Variants in PXYLP1 observed in about 807,000 individuals in gnomAD.
PXYLP1 encodes the protein acid phosphatase-like 2.
A neutral mutation model predicts 37.9 loss-of-function variants in PXYLP1; 17 were observed. That is an observed-to-expected ratio of 0.45 (90% CI 0.31 to 0.67). The LOEUF (loss-of-function observed/expected upper bound fraction) is 0.67. Among genes scored for constraint, PXYLP1 ranks in the 30% least tolerant of loss-of-function variants. PXYLP1 has a pLI of 0.07. For missense variants in PXYLP1, 511 were observed against 612.0 expected (o/e 0.84, Z 1.74); for synonymous variants, 221 against 232.2 (o/e 0.95, Z 0.44).
intron 1 of PXYLP1, among the ~76,000 whole-genome samples, chr3:141,256,004 G>T (rs1941253979): frequency 6.6e-6 from 1 of 152,228 alleles, no homozygotes; most frequent in Admixed American, 6.5e-5. Flanking sequence ...GAACATGGTT[G>T]CAGACGTGGC....
Position 141,287,419 on chromosome 3 carries a change from C to T in PXYLP1, c.471C>T (p.His157=), listed in dbSNP as rs1483042430. 2.5e-6 allele frequency: 4 copies of T among 1,614,156 alleles called. No individual in the cohort carries two copies. The African/African-American group carries it at 4.0e-5, about 16-fold the overall frequency. Residue 157 remains histidine, a synonymous_variant, in exon 5 of 6, where the codon CAC becomes CAT. Transcript: ENST00000286353. ...ACTCCTTGCCTCTTTACCCAAATCACCCATTGTGTGAGATGGGAGAGCTCA... is the reference window on the plus strand; with the variant it reads ...ACTCCTTGCCTCTTTACCCAAATCATCCATTGTGTGAGATGGGAGAGCTCA... ...PLNSLPLYPN[H]PLCEMGELTQ...
intron 1 of PXYLP1, among the ~76,000 whole-genome samples, chr3:141,257,926 A>AAAG (rs59677835): frequency 1.5e-5 from 2 of 134,072 alleles, no homozygotes; most frequent in African/African-American, 7.0e-5. Context: ...AAAAAAAAAA[A>AAAG]GAGAGAGAGA....
chr3:141,268,900 G>A (rs923657370), intron 2 of PXYLP1, among the ~76,000 whole-genome samples: 6 of 152,218 alleles, frequency 3.9e-5, no homozygotes, highest in African/African-American at 1.4e-4. Flanking sequence ...TGGAGCTTCA[G>A]CATCACATCT....
rs1248317812 is a variant in PXYLP1 at position 141,260,126 on chromosome 3, A to G, written c.-50A>G. ...ATCACCTCTGCTTTATTCACAGGACATGTTCCCGATTTGAGGTGAAACCAT... is the reference window on the plus strand; with the variant it reads ...ATCACCTCTGCTTTATTCACAGGACGTGTTCCCGATTTGAGGTGAAACCAT... On this transcript the variant is annotated 5_prime_UTR_variant, in exon 2 of 6. An upstream start codon of the reference 5' UTR is lost. Transcript: ENST00000286353. 3.1e-6 allele frequency: 5 copies of G among 1,606,160 alleles called. No homozygotes were observed. The highest frequency in any genetic ancestry group is 4.3e-6 in the Non-Finnish European group (5 of 1,173,500).
intron 1 of PXYLP1, among the ~76,000 whole-genome samples, chr3:141,248,860 T>C (rs7640166): frequency 0.14 from 7,476 of 52,648 alleles, 1,569 homozygotes; most frequent in African/African-American, 0.31. Context: ...CGTATATATA[T>C]ACACACGTAT....
At position 141,293,106 on chromosome 3, in the gene PXYLP1, G is replaced by C. The variant is rs565971902; in HGVS notation, c.1344G>C (p.Pro448=). The change falls in exon 6 of 6, where the codon CCG becomes CCC. Residue 448 remains proline, a synonymous_variant. Coordinates refer to ENST00000286353, the MANE Select transcript of PXYLP1 (RefSeq NM_001037172.3). The stretch of plus-strand genomic sequence containing the variant: ...AGCGTTCTCCCAAGCCCATGTGCCC[G>C]CTTGAAAACTTGGTCCGCTTTGTGA... ...HHKRSPKPMC[P]LENLVRFVKR... 1 of 1,614,050 alleles carries C rather than the reference G, an allele frequency of 6.2e-7. No homozygotes were observed. The highest frequency in any genetic ancestry group is 1.3e-5 in the African/African-American group (1 of 74,926).
intron 1 of PXYLP1, among the ~76,000 whole-genome samples, chr3:141,245,853 G>A (rs574062765): frequency 7.2e-5 from 11 of 152,292 alleles, no homozygotes; most frequent in East Asian, 5.8e-4. Context: ...GACCTGTTCC[G>A]TGCATTCTGC....
rs372170788 is a variant in PXYLP1 at position 141,238,709 on chromosome 3, A to G, written c.-54+6798A>G. 4.6e-5 allele frequency among the ~76,000 whole-genome samples: 7 copies of G among 151,988 alleles called. No individual in the cohort carries two copies. The South Asian group carries it at 8.3e-4, about 18-fold the overall frequency. On this transcript the variant is annotated intron_variant, in intron 1 of 5. Coordinates refer to ENST00000286353, the MANE Select transcript of PXYLP1 (RefSeq NM_001037172.3). The stretch of plus-strand genomic sequence containing the variant: ...CCAATATTGTAACTATACATAGCCT[A>G]CTGTTAGCCAGAAGCCTTACTGATA...
chr3:141,232,593 G>T (rs565312183), intron 1 of PXYLP1, among the ~76,000 whole-genome samples: 1 of 152,250 alleles, frequency 6.6e-6, no homozygotes, highest in Non-Finnish European at 1.5e-5. Flanking sequence ...AGGACCGTGT[G>T]GTGTAGACCC....
intron 2 of PXYLP1, among the ~76,000 whole-genome samples, chr3:141,275,265 C>T (rs1233769923): frequency 2.0e-5 from 3 of 152,326 alleles, no homozygotes; most frequent in African/African-American, 7.2e-5. Context: ...TTCCTTGGGT[C>T]ATGGGTGGGT....
At chr3:141,273,922 G>T (rs535957123) in intron 2 of PXYLP1, 15 of 985,490 alleles carry the variant, frequency 1.5e-5, no homozygotes, top group East Asian at 1.1e-4. Context: ...CACTCATTTA[G>T]ATTCATGGGT....
chr3:141,233,463 CAAAAAAAAAAAA>C (rs5853024), intron 1 of PXYLP1, among the ~76,000 whole-genome samples: 172 of 79,398 alleles, frequency 2.2e-3, no homozygotes, highest in African/African-American at 7.9e-3. Flanking sequence ...AAAACCCTGT[CAAAAAAAAAAAA>C]AAAAAAAAAA....
At chr3:141,233,815 C>T (rs902134209) in intron 1 of PXYLP1, among the ~76,000 whole-genome samples, 4 of 152,200 alleles carry the variant, frequency 2.6e-5, no homozygotes, top group Non-Finnish European at 4.4e-5. Context: ...CTCAATATTA[C>T]TTCACTATTG....
intron 1 of PXYLP1, among the ~76,000 whole-genome samples, chr3:141,252,155 G>A (rs1941154048): frequency 6.6e-6 from 1 of 152,142 alleles, no homozygotes; most frequent in East Asian, 1.9e-4. Flanking sequence ...TGGGAAATGA[G>A]GTGGGATTTG....
At chr3:141,280,895 A>G (rs997144256) in intron 4 of PXYLP1, among the ~76,000 whole-genome samples, 8 of 152,226 alleles carry the variant, frequency 5.3e-5, no homozygotes, top group Admixed American at 2.6e-4. Context: ...GCGGTCCACA[A>G]GTTTGTTGCC....
intron 1 of PXYLP1, among the ~76,000 whole-genome samples, chr3:141,250,428 G>T (rs1941115100): frequency 6.6e-6 from 1 of 152,222 alleles, no homozygotes; most frequent in Non-Finnish European, 1.5e-5. Context: ...ACAGAGCCCT[G>T]ACTCTATTCA....
chr3:141,273,731 C>G (rs1468382860), intron 2 of PXYLP1: 2 of 985,254 alleles, frequency 2.0e-6, no homozygotes, highest in East Asian at 2.3e-4. Context: ...ATGAGATGAG[C>G]AGAGAACACC....
At chr3:141,238,737 GCAGT>G (rs1055569129) in intron 1 of PXYLP1, among the ~76,000 whole-genome samples, 33 of 151,822 alleles carry the variant, frequency 2.2e-4, no homozygotes, top group African/African-American at 7.0e-4. Flanking sequence ...TACTGATAAT[GCAGT>G]CAGTTAACAC....
intron 4 of PXYLP1, among the ~76,000 whole-genome samples, chr3:141,285,848 T>C (rs1479967467): frequency 6.6e-6 from 1 of 152,216 alleles, no homozygotes; most frequent in Non-Finnish European, 1.5e-5. Flanking sequence ...ACGTACCCTG[T>C]TTTTGTGGAA....
Sources: allele counts gnomAD v4.1 joint callset (sites outside exome capture counted in the v4.1 genomes callset), GRCh38; gene constraint gnomAD v4.1.1; transcripts MANE v1.5; gene names NCBI Gene and HGNC (gene_info 2026-07-23, HGNC 2026-07-21).